The following SLC16A7 variants were observed in gnomAD, a reference collection of about 807,000 sequenced individuals.
SLC16A7 encodes the protein monocarboxylate transporter 2.
SLC16A7 carries 33 observed loss-of-function variants against 34.9 expected under a neutral mutation model. The ratio of observed to expected loss-of-function variants is 0.94; its 90% CI spans 0.72 to 1.26. The LOEUF (loss-of-function observed/expected upper bound fraction) is 1.26. Ranked by LOEUF, SLC16A7 falls within the 50% of genes most tolerant of loss-of-function variation. The pLI is 0.00. For missense variants in SLC16A7, 573 were observed against 578.1 expected (o/e 0.99, Z 0.09); for synonymous variants, 201 against 206.6 (o/e 0.97, Z 0.23).
intron 3 of SLC16A7, among the ~76,000 whole-genome samples, chr12:59,732,034 T>C (rs927526976): frequency 1.3e-5 from 2 of 151,996 alleles, no homozygotes; most frequent in Non-Finnish European, 2.9e-5. Context: ...TGAAGGTCTT[T>C]ATACAATGAA....
chr12:59,770,180 G>A (rs1565712474), intron 3 of SLC16A7, among the ~76,000 whole-genome samples: 3 of 152,138 alleles, frequency 2.0e-5, no homozygotes, highest in Non-Finnish European at 4.4e-5. Context: ...AATATTTTAT[G>A]TATATACACA....
chr12:59,774,860 T>G lies in SLC16A7; in HGVS notation c.565T>G (p.Cys189Gly). Residue 189 changes from cysteine (C) to glycine (G), a missense_variant, in exon 5 of 6, where the codon TGT (cysteine) becomes GGT (glycine). Transcript: ENST00000547379. ...LILGSLLLNA[C>G]VAGSLMRPLG... ...TTTGGGAAGTCTACTTTTGAATGCCTGTGTGGCTGGTTCCCTCATGAGACC... is the reference window on the plus strand; with the variant it reads ...TTTGGGAAGTCTACTTTTGAATGCCGGTGTGGCTGGTTCCCTCATGAGACC... 6.2e-7 allele frequency: 1 copy of G among 1,613,946 alleles called. No homozygotes were observed. Among genetic ancestry groups the G allele is most frequent in the Non-Finnish European group, 8.5e-7 (1 of 1,179,934 alleles).
intron 3 of SLC16A7, among the ~76,000 whole-genome samples, chr12:59,712,803 A>G (rs1161326076): frequency 6.6e-6 from 1 of 152,050 alleles, no homozygotes; most frequent in Non-Finnish European, 1.5e-5. Flanking sequence ...TTTGGTCAGC[A>G]TCATAGCTTG....
chr12:59,777,652 T>C (rs910287999), intron 5 of SLC16A7, among the ~76,000 whole-genome samples: 12 of 151,690 alleles, frequency 7.9e-5, no homozygotes, highest in Middle Eastern at 3.4e-3. Flanking sequence ...TTTATTATTT[T>C]TTATTTTATT....
chr12:59,752,481 G>A (rs1277162131), intron 3 of SLC16A7, among the ~76,000 whole-genome samples: 3 of 152,186 alleles, frequency 2.0e-5, no homozygotes, highest in Admixed American at 1.3e-4. Context: ...GAGCGGATGT[G>A]ATCAACTGGA....
At position 59,788,678 on chromosome 12, in the gene SLC16A7, T is replaced by A. The variant is rs542582109; in HGVS notation, c.*8999T>A. 8.5e-5 allele frequency: 13 copies of A among 152,180 alleles called. No individual in the cohort carries two copies. The highest frequency in any genetic ancestry group is 1.3e-4 in the Non-Finnish European group (9 of 67,936). The allele number at this position is 152,180 out of a possible 1,614,324, so 9.4% of individuals were successfully genotyped here. A position where few individuals can be genotyped will look rare whatever the true frequency, so the allele number is the denominator to read the frequency against. On this transcript the variant is annotated 3_prime_UTR_variant, in exon 6 of 6. Transcript: ENST00000547379. Reference sequence around the variant, plus strand: ...TGAATGTACTTAAAGTATTGTTATGTGATCTTGGGATACTTATTTATTTTT... The same window carrying A: ...TGAATGTACTTAAAGTATTGTTATGAGATCTTGGGATACTTATTTATTTTT...
intron 2 of SLC16A7, among the ~76,000 whole-genome samples, chr12:59,658,621 G>A (rs1031352986): frequency 6.6e-5 from 10 of 151,960 alleles, no homozygotes; most frequent in African/African-American, 2.4e-4. Flanking sequence ...CAAGAAATCA[G>A]TATAGAGGGA....
intron 1 of SLC16A7, among the ~76,000 whole-genome samples, chr12:59,607,094 G>T (rs1878981629): frequency 6.6e-6 from 1 of 152,118 alleles, no homozygotes; most frequent in Non-Finnish European, 1.5e-5. Flanking sequence ...CTGCTGCAGG[G>T]CAAAGTTGAG....
chr12:59,603,410 G>A (rs182372194), intron 1 of SLC16A7, among the ~76,000 whole-genome samples: 242 of 152,220 alleles, frequency 1.6e-3, no homozygotes, highest in African/African-American at 5.6e-3. Flanking sequence ...CTGTCCTCAT[G>A]CCTCGTTCAT....
At chr12:59,729,964 T>A (rs888756973) in intron 3 of SLC16A7, among the ~76,000 whole-genome samples, 17 of 152,214 alleles carry the variant, frequency 1.1e-4, no homozygotes, top group Non-Finnish European at 2.4e-4. Flanking sequence ...GAGCATCTCT[T>A]ATTCTTCTAC....
At chr12:59,641,704 T>C (rs10506397) in intron 1 of SLC16A7, among the ~76,000 whole-genome samples, 18,699 of 152,054 alleles carry the variant, frequency 0.12, 1,988 homozygotes, top group East Asian at 0.63. Flanking sequence ...CATTATTGGA[T>C]GTCACTGTTT....
intron 1 of SLC16A7, among the ~76,000 whole-genome samples, chr12:59,627,522 T>C (rs1437190273): frequency 6.6e-6 from 1 of 151,854 alleles, no homozygotes; most frequent in Non-Finnish European, 1.5e-5. Context: ...TGAGGAAAGA[T>C]TTTTTACTGT....
At chr12:59,659,398 C>T (rs1868712459) in intron 2 of SLC16A7, among the ~76,000 whole-genome samples, 1 of 152,004 alleles carries the variant, frequency 6.6e-6, no homozygotes, top group Non-Finnish European at 1.5e-5. Flanking sequence ...TTTCTCAACC[C>T]TCATCCTCCT....
At chr12:59,637,006 G>A (rs999975947) in intron 1 of SLC16A7, among the ~76,000 whole-genome samples, 3 of 152,044 alleles carry the variant, frequency 2.0e-5, no homozygotes, top group Non-Finnish European at 4.4e-5. Flanking sequence ...ACAGAAAATA[G>A]TTAAGAATAA....
chr12:59,669,652 TCACACACACA>T (rs144456899), intron 2 of SLC16A7, among the ~76,000 whole-genome samples: 8 of 139,536 alleles, frequency 5.7e-5, no homozygotes, highest in Non-Finnish European at 9.3e-5. Flanking sequence ...CCATAGATAG[TCACACACACA>T]CACACACACA....
At chr12:59,754,335 A>T (rs981981683) in intron 3 of SLC16A7, among the ~76,000 whole-genome samples, 2 of 152,156 alleles carry the variant, frequency 1.3e-5, no homozygotes, top group African/African-American at 2.4e-5. Flanking sequence ...TTTTGAAAGG[A>T]TCAACAAAAT....
chr12:59,744,322 A>T (rs1207814715), intron 3 of SLC16A7, among the ~76,000 whole-genome samples: 1 of 151,992 alleles, frequency 6.6e-6, no homozygotes, highest in African/African-American at 2.4e-5. Flanking sequence ...GCAGCTGGAC[A>T]TTAGAGATTA....
chr12:59,635,227 T>A (rs1432263421), intron 1 of SLC16A7, among the ~76,000 whole-genome samples: 2 of 152,084 alleles, frequency 1.3e-5, no homozygotes. Flanking sequence ...CTTGGAGTTA[T>A]CAGCTTTCTA....
chr12:59,752,830 A>G (rs1409941016), intron 3 of SLC16A7, among the ~76,000 whole-genome samples: 2 of 152,218 alleles, frequency 1.3e-5, no homozygotes, highest in Non-Finnish European at 1.5e-5. Flanking sequence ...GAAATGAAGG[A>G]AAAAATGTTA....
Sources: allele counts gnomAD v4.1 joint callset (sites outside exome capture counted in the v4.1 genomes callset), GRCh38; gene constraint gnomAD v4.1.1; transcripts MANE v1.5; gene names NCBI Gene and HGNC (gene_info 2026-07-23, HGNC 2026-07-21).